The following ZAN variants were observed in gnomAD, a reference collection of about 807,000 sequenced individuals.
ZAN encodes zonadhesin (gene/pseudogene).
ZAN carries 260 observed loss-of-function variants against 286.2 expected under a neutral mutation model. The observed-to-expected ratio is 0.91, with a 90% CI of 0.82 to 1.01. The LOEUF (loss-of-function observed/expected upper bound fraction) is 1.01. Ranked by LOEUF, ZAN falls within the 50% of genes least tolerant of loss-of-function variation. The pLI is 0.00. For synonymous variants in ZAN, 1,368 were observed against 1,417.5 expected (o/e 0.97, Z 0.79); for missense variants, 3,410 against 3,639.2 (o/e 0.94, Z 1.62).
chr7:100,786,188 A>G (rs1811556615), intron 37 of ZAN, 47 bp downstream of exon 37: 1 of 1,608,076 alleles, frequency 6.2e-7, no homozygotes. Flanking sequence ...ACCTGTGGCC[A>G]GGGCGGAGGT....
intron 14 of ZAN, among the ~76,000 whole-genome samples, chr7:100,754,442 A>C (rs1024440313): frequency 6.6e-6 from 1 of 151,954 alleles, no homozygotes; most frequent in African/African-American, 2.4e-5. Context: ...CTGGGTGATA[A>C]AGTGAGACTC....
chr7:100,792,503 C>T lies in ZAN; in HGVS notation c.7787+24C>T, dbSNP rs372977694. 1.1e-5 allele frequency: 17 copies of T among 1,613,336 alleles called. No homozygotes were observed. The highest frequency in any genetic ancestry group is 1.6e-4 in the Middle Eastern group (1 of 6,080). ...GGGTACGCCATCCTCTGCCAGGAGG[C>T]GGGCGCTGCCCTGGCTGGCTGGCGG... is the stretch of plus-strand genomic sequence containing the variant. On this transcript the variant is annotated intron_variant, in intron 42 of 47. Transcript: ENST00000613979.
chr7:100,784,942 CG>C, intron 36 of ZAN, 108 bp downstream of exon 36: 1 of 1,296,408 alleles, frequency 7.7e-7, no homozygotes, highest in Non-Finnish European at 1.0e-6. Context: ...ACAGCTGGCC[CG>C]GGGGTGTGAA....
intron 44 of ZAN, among the ~76,000 whole-genome samples, chr7:100,794,663 G>A (rs1039152109): frequency 1.3e-5 from 2 of 151,942 alleles, no homozygotes; most frequent in Non-Finnish European, 2.9e-5. Flanking sequence ...GGGAGACATC[G>A]TCTCTACTAA....
rs1368662921 is a variant in ZAN at position 100,763,910 on chromosome 7, C to T, written c.4091C>T (p.Pro1364Leu). Reference sequence around the variant, plus strand: ...GGACGGCTGGTCGACACTCATGGCCCATTTGAGTATGAAGGAGGGCAGGCA... The same window carrying T: ...GGACGGCTGGTCGACACTCATGGCCTATTTGAGTATGAAGGAGGGCAGGCA... ...FCGRLVDTHG[P>L]FETCLLHVKA... The change falls in exon 21 of 48, where the codon CCA becomes CTA. Residue 1364 changes from proline to leucine, a missense_variant. Physicochemically the swap from Pro to Leu is moderately conservative, Grantham distance 98. This residue lies in a region of ZAN where 1,042 missense variants were observed against 1,058.0 expected (regional missense o/e 0.98). Transcript: ENST00000613979. The surrounding 1 kb of genome is among the most constrained non-coding windows in gnomAD (Gnocchi z 4.6). The T allele has an allele frequency of 3.1e-6, 5 of 1,613,870 alleles. No individual in the cohort carries two copies. In the African/African-American group the frequency reaches 5.3e-5, roughly 17 times the overall value.
At chr7:100,765,069 A>G (rs1321391705) in intron 22 of ZAN, among the ~76,000 whole-genome samples, 1 of 152,128 alleles carries the variant, frequency 6.6e-6, no homozygotes, top group Non-Finnish European at 1.5e-5. Context: ...CTGCGGGCCA[A>G]CAGCTCACCT....
Position 100,775,840 on chromosome 7 carries a change from A to G in ZAN, c.6192+7A>G. On this transcript the variant is annotated splice_region_variant and intron_variant, in intron 33 of 47. Transcript: ENST00000613979. ...CACAACCTACTATGGAAAGGTGAGG[A>G]AAACATCTGGCTCTTCTCGCTGGGG... The G allele has an allele frequency of 6.2e-7, 1 of 1,613,338 alleles. No homozygotes were observed. The highest frequency in any genetic ancestry group is 8.5e-7 in the Non-Finnish European group (1 of 1,179,654).
rs1562935589 is a variant in ZAN, at chr7:100,764,000, T to C, written c.4098-27T>C. 1 of 1,613,632 alleles carries C rather than the reference T, an allele frequency of 6.2e-7. No individual in the cohort carries two copies. Among genetic ancestry groups the C allele is most frequent in the African/African-American group, 1.3e-5 (1 of 75,030 alleles). On this transcript the variant is annotated intron_variant, in intron 21 of 47. Coordinates refer to ENST00000613979, the MANE Select transcript of ZAN (RefSeq NM_003386.3). This position sits in a 1 kb window ranked among gnomAD's most constrained non-coding sequence, Gnocchi z 4.6. The stretch of plus-strand genomic sequence containing the variant: ...AAGGCTCTACCCCCTTCCACTGCAT[T>C]CCCCCTGACTTGGTCACTCCCCTCA...
intron 7 of ZAN, among the ~76,000 whole-genome samples, chr7:100,738,864 C>CTCT (rs201544312): frequency 1.3e-5 from 1 of 79,278 alleles, no homozygotes. Flanking sequence ...CTTTCTCTTC[C>CTCT]TCTTCTTCTT....
At position 100,736,829 on chromosome 7, in the gene ZAN, G is replaced by T. The variant is rs1401063545; in HGVS notation, c.274G>T (p.Glu92Ter). The T allele has an allele frequency of 4.1e-6, 6 of 1,480,232 alleles. 1 individual carries two copies. Among genetic ancestry groups the T allele is most frequent in the Non-Finnish European group, 5.5e-6 (6 of 1,086,162 alleles). The allele number at this position is 1,480,232 out of a possible 1,614,324, so 91.7% of individuals were successfully genotyped here. A position where few individuals can be genotyped will look rare whatever the true frequency, so the allele number is the denominator to read the frequency against. The change falls in exon 5 of 48, where the codon GAA becomes TAA. Residue 92 changes from glutamate to a stop codon, truncating the protein, a stop_gained. Coordinates refer to ENST00000613979, the MANE Select transcript of ZAN (RefSeq NM_003386.3). LOFTEE classifies it high-confidence loss of function. ...CCCAGAGGGCAGCTATCTGCATATG[G>T]AATCGAACAGCTTCCACCGTGGGGG... ...PNGEGSYLHM[E>*]SNSFHRGGVA...
At chr7:100,783,922 T>C (rs1811389580) in intron 35 of ZAN, among the ~76,000 whole-genome samples, 1 of 148,460 alleles carries the variant, frequency 6.7e-6, no homozygotes, top group Non-Finnish European at 1.5e-5. Flanking sequence ...ATGAACATGG[T>C]ATGCATTTCC....
intron 42 of ZAN, 143 bp downstream of exon 42, chr7:100,792,622 C>T: frequency 2.0e-6 from 3 of 1,464,970 alleles, no homozygotes; most frequent in Non-Finnish European, 2.7e-6. Flanking sequence ...CCACCATTGC[C>T]TCATCTCGGG....
At position 100,752,133 on chromosome 7, in the gene ZAN, C is replaced by T; in HGVS notation, c.2028C>T (p.Val676=). The change falls in exon 14 of 48, where the codon GTC becomes GTT. Residue 676 remains valine (V), a synonymous_variant. Transcript: ENST00000613979. ...EETTTSMEEP[V]IPTEKPSIPT... ...CCACCACCTCCATGGAAGAGCCTGT[C>T]ATCCCTACAGAAAAACCCAGCATCC... 6.2e-7 allele frequency: 1 copy of T among 1,610,870 alleles called. No individual in the cohort carries two copies. Among genetic ancestry groups the T allele is most frequent in the African/African-American group, 1.4e-5 (1 of 74,040 alleles).
Position 100,758,300 on chromosome 7 carries a change from C to G in ZAN, c.3408C>G (p.Thr1136=). ...AGATCTCTCAGTGTGGGACACACACCGTGTGCCAGCTTAAGAATGGCCAGT... is the reference window on the plus strand; with the variant it reads ...AGATCTCTCAGTGTGGGACACACACGGTGTGCCAGCTTAAGAATGGCCAGT... The part of the protein sequence containing the change: ...ECQISQCGTH[T]VCQLKNGQYG... The change falls in exon 16 of 48, where the codon ACC becomes ACG. Residue 1136 remains threonine, a synonymous_variant. Coordinates refer to ENST00000613979, the MANE Select transcript of ZAN (RefSeq NM_003386.3). 2.5e-6 allele frequency: 4 copies of G among 1,613,310 alleles called. No homozygotes were observed. Among genetic ancestry groups the G allele is most frequent in the Non-Finnish European group, 3.4e-6 (4 of 1,179,870 alleles).
chr7:100,792,017 G>C lies in ZAN; in HGVS notation c.7581G>C (p.Thr2527=), dbSNP rs779413938. The change falls in exon 41 of 48, where the codon ACG becomes ACC. Residue 2527 remains threonine, a synonymous_variant. Transcript: ENST00000613979. The part of the protein sequence containing the change: ...EGQGAELGLR[T]GLQVSECSPE... ...AAGGGGCGGAGCTGGGCCTCCGCAC[G>C]GGCCTCCAAGTGTCCGAATGTAGCC... The C allele has an allele frequency of 5.6e-6, 9 of 1,613,100 alleles. No homozygotes were observed. In the Admixed American group the frequency reaches 1.0e-4, roughly 18 times the overall value.
chr7:100,781,553 C>T (rs1266478072), intron 35 of ZAN, among the ~76,000 whole-genome samples: 1 of 150,510 alleles, frequency 6.6e-6, no homozygotes, highest in African/African-American at 2.4e-5. Flanking sequence ...AGCTGCCCCA[C>T]AGCTGCTGGG....
Position 100,764,153 on chromosome 7 carries a change from C to G in ZAN, c.4224C>G (p.Asp1408Glu), listed in dbSNP as rs371599706. 4 of 1,605,920 alleles carry G rather than the reference C, an allele frequency of 2.5e-6. No individual in the cohort carries two copies. Among genetic ancestry groups the G allele is most frequent in the Non-Finnish European group, 3.4e-6 (4 of 1,176,414 alleles). ...HMSTMTTTCQ[D>E]AGHAVKPWRE... Reference sequence around the variant, plus strand: ...CCACCATGACCACCACCTGCCAGGACGCAGGCCACGCTGTGAAGCCCTGGA... The same window carrying G: ...CCACCATGACCACCACCTGCCAGGAGGCAGGCCACGCTGTGAAGCCCTGGA... Residue 1408 changes from aspartate to glutamate, a missense_variant, in exon 22 of 48, where the codon GAC becomes GAG. This residue lies in a region of ZAN where 1,042 missense variants were observed against 1,058.0 expected (regional missense o/e 0.98). Transcript: ENST00000613979.
rs185912289 is a variant in ZAN at position 100,746,711 on chromosome 7, G to A, written c.931+9G>A. ...TTATGCTTCAGTCTTGGGTTAGAGC[G>A]GAGAATTAATGGGATTTACACTGAT... On this transcript the variant is annotated intron_variant, in intron 8 of 47. Coordinates refer to ENST00000613979, the MANE Select transcript of ZAN (RefSeq NM_003386.3). 5.0e-5 allele frequency: 80 copies of A among 1,613,634 alleles called. No individual in the cohort carries two copies. The highest frequency in any genetic ancestry group is 1.6e-4 in the Middle Eastern group (1 of 6,062).
chr7:100,779,375 CT>C, intron 34 of ZAN, 70 bp from the exon 35 acceptor site: 2 of 1,468,828 alleles, frequency 1.4e-6, no homozygotes, highest in Non-Finnish European at 1.8e-6. Context: ...AAGACTCCCC[CT>C]AAAGAAAAAA....
Sources: allele counts gnomAD v4.1 joint callset (sites outside exome capture counted in the v4.1 genomes callset), GRCh38; gene constraint gnomAD v4.1.1; regional missense constraint gnomAD v4.1.1; non-coding constraint Gnocchi (gnomAD v3.1); transcripts MANE v1.5; gene names NCBI Gene and HGNC (gene_info 2026-07-23, HGNC 2026-07-21).